The following LMO2 variants were observed in gnomAD, a reference collection of about 807,000 sequenced individuals.
The protein encoded by LMO2 is rhombotin-2.
A neutral mutation model predicts 23.2 loss-of-function variants in LMO2; 20 were observed. That is an observed-to-expected ratio of 0.86 (90% confidence interval 0.61 to 1.25). The LOEUF (loss-of-function observed/expected upper bound fraction) is 1.25. Among genes scored for constraint, LMO2 ranks in the 50% most tolerant of loss-of-function variants. The pLI, the probability that LMO2 is intolerant of heterozygous loss-of-function variation, is 0.00. For missense variants in LMO2, 270 were observed against 315.3 expected, an observed-to-expected ratio of 0.86 and a Z score of 1.09; for synonymous variants, 123 against 130.2, an observed-to-expected ratio of 0.94 and a Z score of 0.38.
chr11:33,862,856 T>C (rs1856634177), intron 5 of LMO2, among the ~76,000 whole-genome samples: 1 of 152,170 alleles, frequency 6.6e-6, no homozygotes, highest in Admixed American at 6.5e-5. Flanking sequence ...AATGCAGAGT[T>C]AATTAACATG....
chr11:33,869,728 C>CA lies in LMO2; in HGVS notation c.-13_-12insT. ...ACTTAACCTTCCATCCCGGTCCCGC[C>CA]GCCGCCACCGCCCGGTCCCTCTCGC... On this transcript the variant is annotated 5_prime_UTR_variant, in exon 3 of 6. Transcript: ENST00000257818. The CA allele has an allele frequency of 7.7e-7, 1 of 1,291,028 alleles. No individual in the cohort carries two copies. The highest frequency in any genetic ancestry group is 1.0e-6 in the Non-Finnish European group (1 of 1,002,738). 80.0% of individuals were successfully genotyped at this position (1,291,028 alleles called of 1,614,324 possible).
In LMO2 at chr11:33,864,494, T is replaced by C. The variant is rs186423076; in HGVS notation, c.464+108A>G. ...CTGCAGTCTGACCTCTTTCTATAGG[T>C]GGTGTCCGAGCCTGGAGCAGGGTAA... On this transcript the variant is annotated intron_variant, in intron 5 of 5. Transcript: ENST00000257818. The surrounding 1 kb of genome is among the most constrained non-coding windows in gnomAD (Gnocchi z 4.8). 715 of 818,000 alleles carry C rather than the reference T, an allele frequency of 8.7e-4. 9 individuals carry two copies. In the Admixed American group the frequency reaches 0.013, roughly 15 times the overall value. The allele number at this position is 818,000 out of a possible 1,614,324, so 50.7% of individuals were successfully genotyped here.
chr11:33,865,019 T>C (rs1332715926), intron 4 of LMO2: 11 of 626,994 alleles, frequency 1.8e-5, no homozygotes, highest in African/African-American at 3.6e-5. Flanking sequence ...AGCCAGACCT[T>C]ACTCCCTAGA....
chr11:33,876,051 C>G (rs1039456757), intron 2 of LMO2, among the ~76,000 whole-genome samples: 14 of 152,216 alleles, frequency 9.2e-5, no homozygotes, highest in African/African-American at 3.1e-4. Context: ...CTGACTCCTA[C>G]TGGAAGGCTT....
rs568919618 is a variant in LMO2 at position 33,859,004 on chromosome 11, A to G, written c.*352T>C. 58 of 285,960 alleles carry G rather than the reference A, an allele frequency of 2.0e-4. No homozygotes were observed. In the South Asian group the frequency reaches 4.8e-3, roughly 24 times the overall value. The allele number at this position is 285,960 out of a possible 1,614,324, so 17.7% of individuals were successfully genotyped here. On this transcript the variant is annotated 3_prime_UTR_variant, in exon 6 of 6. Coordinates refer to ENST00000257818, the MANE Select transcript of LMO2 (RefSeq NM_005574.4). The stretch of plus-strand genomic sequence containing the variant: ...CTAGTTCGCAAGCGTCAAAGTCACA[A>G]CAAGTCTGTACACAACAACTCTCTA...
At chr11:33,876,989 G>A (rs1857150441) in intron 2 of LMO2, among the ~76,000 whole-genome samples, 1 of 152,228 alleles carries the variant, frequency 6.6e-6, no homozygotes, top group Non-Finnish European at 1.5e-5. Flanking sequence ...AATTAACTAA[G>A]CAAAGAGAAC....
chr11:33,866,232 T>C (rs1026188502), intron 4 of LMO2, among the ~76,000 whole-genome samples: 3 of 152,158 alleles, frequency 2.0e-5, no homozygotes, highest in Non-Finnish European at 2.9e-5. Context: ...CTTATGAATA[T>C]TTAGGAGTGC....
Position 33,869,708 on chromosome 11 carries a change from A to G in LMO2, c.7+2T>C. 1 of 1,279,746 alleles carries G rather than the reference A, an allele frequency of 7.8e-7. No homozygotes were observed. Among genetic ancestry groups the G allele is most frequent in the Non-Finnish European group, 1.0e-6 (1 of 989,056 alleles). The allele number at this position is 1,279,746 out of a possible 1,614,324, so 79.3% of individuals were successfully genotyped here. A position where few individuals can be genotyped will look rare whatever the true frequency, so the allele number is the denominator to read the frequency against. On this transcript the variant is annotated splice_donor_variant, in intron 3 of 5. Coordinates refer to ENST00000257818, the MANE Select transcript of LMO2 (RefSeq NM_005574.4). LOFTEE classifies it high-confidence loss of function. ...AGCTGCTGCTGCTGCTCAGGACTTA[A>G]CCTTCCATCCCGGTCCCGCCGCCGC...
At chr11:33,863,780 G>A (rs556996819) in intron 5 of LMO2, among the ~76,000 whole-genome samples, 1 of 152,186 alleles carries the variant, frequency 6.6e-6, no homozygotes, top group East Asian at 1.9e-4. Context: ...TGGTGTTGTC[G>A]AGTTCCTATT....
chr11:33,876,419 A>G (rs933483536), intron 2 of LMO2, among the ~76,000 whole-genome samples: 15 of 152,236 alleles, frequency 9.9e-5, no homozygotes, highest in African/African-American at 3.6e-4. Context: ...AATATTCATT[A>G]AAAGAATGAC....
rs1183932610 is a variant in LMO2, at chr11:33,869,316, G to T, written c.248+30C>A. On this transcript the variant is annotated intron_variant, in intron 4 of 5. Transcript: ENST00000257818. ...CGGGACGCGAGGCCGTGGACACCGG[G>T]GGTGGCAGGGGCAGGGGGGCCGCAC... 2.6e-6 allele frequency: 3 copies of T among 1,166,058 alleles called. No homozygotes were observed. The East Asian group carries it at 1.2e-4, about 47-fold the overall frequency. 72.2% of individuals were successfully genotyped at this position (1,166,058 alleles called of 1,614,324 possible). A position where few individuals can be genotyped will look rare whatever the true frequency, so the allele number is the denominator to read the frequency against.
chr11:33,869,893 G>A lies in LMO2; in HGVS notation c.-177C>T, dbSNP rs1470849643. On this transcript the variant is annotated 5_prime_UTR_variant, in exon 3 of 6. Coordinates refer to ENST00000257818, the MANE Select transcript of LMO2 (RefSeq NM_005574.4). ...GAGGGGGCGGCGGCCTAGGGGCGGG[G>A]AGGGGACCGTGCGTCTCTCTCCGGG... 2 of 1,050,722 alleles carry A rather than the reference G, an allele frequency of 1.9e-6. No homozygotes were observed. Among genetic ancestry groups the A allele is most frequent in the South Asian group, 4.6e-5 (1 of 21,902 alleles). 65.1% of individuals were successfully genotyped at this position (1,050,722 alleles called of 1,614,324 possible).
chr11:33,874,769 AGCTTCTCT>A (rs1009290457), intron 2 of LMO2, among the ~76,000 whole-genome samples: 152 of 152,366 alleles, frequency 1.0e-3, no homozygotes, highest in Admixed American at 3.0e-3. Flanking sequence ...GGCTGCTGAC[AGCTTCTCT>A]GCTTCTCTGC....
chr11:33,864,726 C>G lies in LMO2; in HGVS notation c.340G>C (p.Ala114Pro), dbSNP rs758372857. Reference sequence around the variant, plus strand: ...TCCTCGTGCCAGTACTGGTCGATGGCCTTCAGGAAGTAGCGGTCCCCAATG... The same window carrying G: ...TCCTCGTGCCAGTACTGGTCGATGGGCTTCAGGAAGTAGCGGTCCCCAATG... The part of the protein sequence containing the change: ...QNIGDRYFLK[A>P]IDQYWHEDCL... The change falls in exon 5 of 6, where the codon GCC becomes CCC. Residue 114 changes from alanine (A) to proline (P), a missense_variant. By Grantham distance (27) the Ala-to-Pro change is conservative. Transcript: ENST00000257818. This position sits in a 1 kb window ranked among gnomAD's most constrained non-coding sequence, Gnocchi z 4.8. 6.2e-7 allele frequency: 1 copy of G among 1,614,042 alleles called. No individual in the cohort carries two copies. Among genetic ancestry groups the G allele is most frequent in the Non-Finnish European group, 8.5e-7 (1 of 1,180,014 alleles).
chr11:33,872,047 T>C (rs946079228), intron 2 of LMO2, among the ~76,000 whole-genome samples: 29 of 152,042 alleles, frequency 1.9e-4, no homozygotes, highest in African/African-American at 6.8e-4. Context: ...TCCCAGCACT[T>C]TGAGAGGCCG....
At chr11:33,878,054 A>T (rs1197829344) in intron 2 of LMO2, among the ~76,000 whole-genome samples, 8 of 152,206 alleles carry the variant, frequency 5.3e-5, no homozygotes. Context: ...CAAGTTGCTT[A>T]ACCTCTTGAG....
intron 1 of LMO2, among the ~76,000 whole-genome samples, chr11:33,891,344 CAA>C (rs1491539048): frequency 1.8e-4 from 18 of 98,312 alleles, no homozygotes; most frequent in African/African-American, 5.7e-4. Flanking sequence ...GGTTGTTAGG[CAA>C]ACACACACAC....
At chr11:33,870,488 C>G (rs1199442203) in intron 2 of LMO2, 1 of 983,202 alleles carries the variant, frequency 1.0e-6, no homozygotes, top group Non-Finnish European at 1.2e-6. Context: ...CTGCGGGCTC[C>G]GGGCTGCGGG....
chr11:33,875,097 G>A (rs1857105080), intron 2 of LMO2, among the ~76,000 whole-genome samples: 1 of 152,154 alleles, frequency 6.6e-6, no homozygotes, highest in Non-Finnish European at 1.5e-5. Flanking sequence ...CATTGACCTT[G>A]GGCATGTTGC....
Sources: gnomAD v4.1 joint callset for allele counts (sites outside exome capture counted in the v4.1 genomes callset) on GRCh38, gnomAD v4.1.1 for gene constraint, Gnocchi (gnomAD v3.1) non-coding constraint, MANE v1.5 for transcripts, NCBI Gene and HGNC (gene_info 2026-07-23, HGNC 2026-07-21) for gene names.